ZNF532: variants seen among roughly 807,000 people sequenced by gnomAD.
ZNF532 encodes zinc finger protein 532.
A neutral mutation model predicts 89.3 loss-of-function variants in ZNF532; 22 were observed. The ratio of observed to expected loss-of-function variants is 0.25; its 90% CI spans 0.18 to 0.35. ZNF532 has a LOEUF of 0.35. ZNF532 is among the 10% of genes least tolerant of loss of function. The pLI is 1.00. For synonymous variants in ZNF532, 606 were observed against 649.6 expected (o/e 0.93, Z 1.02); for missense variants, 1,132 against 1,643.4 (o/e 0.69, Z 5.38).
rs1439127661 is a variant in ZNF532, at chr18:58,953,783, G to GGAA, written c.3136_3138dup (p.Lys1046dup). 1 of 1,612,770 alleles carries GGAA rather than the reference G, an allele frequency of 6.2e-7. No homozygotes were observed. The highest frequency in any genetic ancestry group is 1.3e-5 in the African/African-American group (1 of 74,890). ...AGAGATGTGTACATATCCCACGTGA[G>GGAA]GAAGGAGCACGGGAAGGTCAGTAAA... is the stretch of plus-strand genomic sequence containing the variant. On this transcript the variant is annotated inframe_insertion, in exon 7 of 10. Coordinates refer to ENST00000591808, the MANE Select transcript of ZNF532 (RefSeq NM_001375912.1).
chr18:58,983,530 C>CTCTTT (rs2068077950), intron 9 of ZNF532, among the ~76,000 whole-genome samples: 1 of 152,140 alleles, frequency 6.6e-6, no homozygotes, highest in Non-Finnish European at 1.5e-5. Context: ...TGCGTCAGGT[C>CTCTTT]TCTTTTCAAA....
chr18:58,938,797 A>G (rs1359846398), intron 4 of ZNF532, among the ~76,000 whole-genome samples: 2 of 152,236 alleles, frequency 1.3e-5, no homozygotes, highest in Middle Eastern at 3.2e-3. Context: ...GGAGATGGGT[A>G]GGAAACTCAG....
At chr18:58,957,065 T>C (rs1316929178) in intron 7 of ZNF532, among the ~76,000 whole-genome samples, 2 of 152,212 alleles carry the variant, frequency 1.3e-5, no homozygotes, top group African/African-American at 4.8e-5. Context: ...TAACCTCCTC[T>C]TCTTTAAAAT....
At chr18:58,957,406 CATAT>C (rs58182199) in intron 7 of ZNF532, among the ~76,000 whole-genome samples, 6,606 of 138,782 alleles carry the variant, frequency 0.048, 243 homozygotes, top group African/African-American at 0.11. Context: ...ACTTAAAATA[CATAT>C]ATATATATAT....
chr18:58,892,503 T>C (rs1034868254), intron 2 of ZNF532, among the ~76,000 whole-genome samples: 7 of 152,240 alleles, frequency 4.6e-5, no homozygotes, highest in African/African-American at 1.7e-4. Flanking sequence ...TACCAGTTGA[T>C]CTCTGGTGAG....
chr18:58,900,418 CAG>C (rs1319695831), intron 2 of ZNF532, among the ~76,000 whole-genome samples: 1 of 152,190 alleles, frequency 6.6e-6, no homozygotes, highest in African/African-American at 2.4e-5. Flanking sequence ...TTTGATAGCC[CAG>C]AGATTCTCCT....
chr18:58,913,963 T>C (rs1158777912), intron 2 of ZNF532, among the ~76,000 whole-genome samples: 2 of 152,386 alleles, frequency 1.3e-5, no homozygotes, highest in Non-Finnish European at 1.5e-5. Flanking sequence ...TGGGATTTAA[T>C]GGTTAGGCTG....
chr18:58,967,025 A>G (rs1343423354), intron 7 of ZNF532, among the ~76,000 whole-genome samples: 1 of 152,212 alleles, frequency 6.6e-6, no homozygotes, highest in Non-Finnish European at 1.5e-5. Context: ...ACTGGATATT[A>G]AGTATAAAAA....
Position 58,985,450 on chromosome 18 carries a change from C to T in ZNF532, c.*984C>T, listed in dbSNP as rs970542259. 6 of 152,564 alleles carry T rather than the reference C, an allele frequency of 3.9e-5. No homozygotes were observed. Among genetic ancestry groups the T allele is most frequent in the South Asian group, 2.1e-4 (1 of 4,826 alleles). 9.5% of individuals were successfully genotyped at this position (152,564 alleles called of 1,614,324 possible). A position where few individuals can be genotyped will look rare whatever the true frequency, so the allele number is the denominator to read the frequency against. On this transcript the variant is annotated 3_prime_UTR_variant, in exon 10 of 10. Transcript: ENST00000591808. Reference sequence around the variant, plus strand: ...AACCCTTTGCTGTCAAAAGAGTTGGCGTTTCCTGTTCTGGGTGCTACTGCC... The same window carrying T: ...AACCCTTTGCTGTCAAAAGAGTTGGTGTTTCCTGTTCTGGGTGCTACTGCC...
chr18:58,904,300 C>T (rs1355676286), intron 2 of ZNF532, among the ~76,000 whole-genome samples: 3 of 150,810 alleles, frequency 2.0e-5, no homozygotes, highest in Non-Finnish European at 2.9e-5. Flanking sequence ...TGCAGTGAGC[C>T]GAGATCACGC....
intron 3 of ZNF532, among the ~76,000 whole-genome samples, chr18:58,930,335 T>A (rs1048089985): frequency 6.6e-6 from 1 of 152,040 alleles, no homozygotes; most frequent in African/African-American, 2.4e-5. Flanking sequence ...TAGAAAAGGC[T>A]CAGTAAGAGT....
At chr18:58,888,714 T>TATATATAAAATTATATATATATAA in intron 2 of ZNF532, among the ~76,000 whole-genome samples, 1 of 50,308 alleles carries the variant, frequency 2.0e-5, no homozygotes, top group African/African-American at 1.2e-4. Context: ...TATATATATA[T>TATATATAAAATTATATATATATAA]ATATATATAT....
chr18:58,866,728 C>T (rs1342725403), intron 2 of ZNF532, among the ~76,000 whole-genome samples: 6 of 152,172 alleles, frequency 3.9e-5, no homozygotes, highest in South Asian at 2.1e-4. Context: ...CAGTGAAGGA[C>T]GTCAAGTATG....
intron 2 of ZNF532, among the ~76,000 whole-genome samples, chr18:58,888,697 T>TTTTATATATATA (rs1555708767): frequency 8.8e-5 from 4 of 45,336 alleles, no homozygotes; most frequent in African/African-American, 4.8e-4. Flanking sequence ...AAAAAAAAAA[T>TTTTATATATATA]TATATATATA....
chr18:58,869,743 G>A (rs938009228), intron 2 of ZNF532, among the ~76,000 whole-genome samples: 1 of 151,040 alleles, frequency 6.6e-6, no homozygotes, highest in Admixed American at 6.6e-5. Flanking sequence ...AGATTTGTTT[G>A]GAAGATTTTG....
intron 7 of ZNF532, among the ~76,000 whole-genome samples, chr18:58,960,084 G>A (rs1423726915): frequency 6.6e-6 from 1 of 152,192 alleles, no homozygotes; most frequent in Non-Finnish European, 1.5e-5. Context: ...GATTACAGGT[G>A]CGTGCCACCA....
intron 7 of ZNF532, among the ~76,000 whole-genome samples, chr18:58,964,889 G>A (rs1381103103): frequency 1.3e-5 from 2 of 151,058 alleles, no homozygotes; most frequent in Non-Finnish European, 3.0e-5. Flanking sequence ...TTACAGATGT[G>A]CGCCATCACA....
intron 7 of ZNF532, among the ~76,000 whole-genome samples, chr18:58,970,929 C>G (rs1191979556): frequency 6.6e-6 from 1 of 152,236 alleles, no homozygotes; most frequent in Non-Finnish European, 1.5e-5. Context: ...AGGTAGCCTT[C>G]CTTCAGCCCT....
intron 2 of ZNF532, among the ~76,000 whole-genome samples, chr18:58,894,946 G>A (rs2059150659): frequency 6.6e-6 from 1 of 152,202 alleles, no homozygotes; most frequent in African/African-American, 2.4e-5. Flanking sequence ...GGGCAACATA[G>A]GCCTTGTCTC....
Sources: gnomAD v4.1 joint callset for allele counts (sites outside exome capture counted in the v4.1 genomes callset) on GRCh38, gnomAD v4.1.1 for gene constraint, MANE v1.5 for transcripts, NCBI Gene and HGNC (gene_info 2026-07-23, HGNC 2026-07-21) for gene names.